CATSPERB: variants seen among roughly 807,000 people sequenced by gnomAD.
The protein encoded by CATSPERB is cation channel sperm-associated auxiliary subunit beta.
Under a neutral mutation model 128.3 loss-of-function variants are expected in CATSPERB, and 93 were observed. The ratio of observed to expected loss-of-function variants is 0.72; its 90% CI spans 0.61 to 0.86. The LOEUF (loss-of-function observed/expected upper bound fraction) is 0.86. Ranked by LOEUF, CATSPERB falls within the 40% of genes least tolerant of loss-of-function variation. The probability of loss-of-function intolerance (pLI) is 0.00; values close to 1 mark genes in which losing one functional copy is unlikely to be tolerated. For missense variants in CATSPERB, 1,153 were observed against 1,329.5 expected, an observed-to-expected ratio of 0.87 and a Z score of 2.06; for synonymous variants, 381 against 448.8, an observed-to-expected ratio of 0.85 and a Z score of 1.91.
chr14:91,613,979 G>A (rs1893886972), intron 20 of CATSPERB, among the ~76,000 whole-genome samples: 1 of 152,096 alleles, frequency 6.6e-6, no homozygotes, highest in Non-Finnish European at 1.5e-5. Context: ...AGATTCTCAT[G>A]AAGAAGGTTT....
chr14:91,723,296 A>AT, intron 3 of CATSPERB, 107 bp from the exon 4 acceptor site: 1 of 722,610 alleles, frequency 1.4e-6, no homozygotes, highest in East Asian at 3.2e-5. Context: ...GTTAGGAAAA[A>AT]ATATATATAT....
At position 91,636,540 on chromosome 14, in the gene CATSPERB, G is replaced by A; in HGVS notation, c.1627C>T (p.His543Tyr). 2 of 1,614,086 alleles carry A rather than the reference G, an allele frequency of 1.2e-6. No individual in the cohort carries two copies. Among genetic ancestry groups the A allele is most frequent in the African/African-American group, 1.3e-5 (1 of 75,018 alleles). The change falls in exon 17 of 27, where the codon CAC (histidine) becomes TAC (tyrosine). Residue 543 changes from histidine (H) to tyrosine (Y), a missense_variant. Physicochemically the swap from His to Tyr is moderately conservative, Grantham distance 83. Coordinates refer to ENST00000256343, the MANE Select transcript of CATSPERB (RefSeq NM_024764.4). The part of the protein sequence containing the change: ...MGFETALAPQ[H>Y]TSLDEIIFFA... ...AAGATAATTTCATCTAAGGAGGTGT[G>A]CTGTGGGGCAAGCGCAGTCTCAAAG...
intron 15 of CATSPERB, among the ~76,000 whole-genome samples, chr14:91,658,391 G>A (rs1894821285): frequency 6.6e-6 from 1 of 151,956 alleles, no homozygotes; most frequent in African/African-American, 2.4e-5. Context: ...GCTGGGAAGG[G>A]TAGTGGGGCA....
At chr14:91,704,112 T>C (rs1409093021) in intron 7 of CATSPERB, among the ~76,000 whole-genome samples, 2 of 152,074 alleles carry the variant, frequency 1.3e-5, no homozygotes, top group Non-Finnish European at 2.9e-5. Context: ...TATTAGAGTG[T>C]TATGAAATGG....
chr14:91,671,992 C>T (rs1895100909), intron 13 of CATSPERB, among the ~76,000 whole-genome samples: 1 of 151,636 alleles, frequency 6.6e-6, no homozygotes, highest in Admixed American at 6.6e-5. Flanking sequence ...TGCACTCCAG[C>T]CTGGGCAACA....
intron 22 of CATSPERB, among the ~76,000 whole-genome samples, chr14:91,602,304 C>T (rs1893619086): frequency 6.6e-6 from 1 of 152,096 alleles, no homozygotes; most frequent in African/African-American, 2.4e-5. Flanking sequence ...TAGTCTAGAA[C>T]ATACCATGTA....
chr14:91,674,446 TTTAAA>T (rs1367432755), intron 11 of CATSPERB, among the ~76,000 whole-genome samples: 1 of 152,208 alleles, frequency 6.6e-6, no homozygotes, highest in Non-Finnish European at 1.5e-5. Flanking sequence ...TTGTCTCAGA[TTTAAA>T]TTAGAATGTT....
intron 11 of CATSPERB, among the ~76,000 whole-genome samples, chr14:91,679,529 C>T (rs1299302645): frequency 6.6e-6 from 1 of 152,018 alleles, no homozygotes; most frequent in East Asian, 1.9e-4. Flanking sequence ...TCTATGTTGT[C>T]TTTATTAGAT....
At chr14:91,724,462 C>T (rs906576349) in intron 3 of CATSPERB, among the ~76,000 whole-genome samples, 1 of 152,170 alleles carries the variant, frequency 6.6e-6, no homozygotes, top group Non-Finnish European at 1.5e-5. Flanking sequence ...TAAGTCAAAG[C>T]AGGCTTAGGA....
intron 20 of CATSPERB, among the ~76,000 whole-genome samples, chr14:91,612,012 T>TTTTCTC (rs1893837409): frequency 7.5e-6 from 1 of 132,924 alleles, no homozygotes. Flanking sequence ...TTGTTTACTG[T>TTTTCTC]TTTCTTTCTT....
chr14:91,587,898 T>C (rs1312514615), intron 25 of CATSPERB, 80 bp downstream of exon 25: 7 of 874,084 alleles, frequency 8.0e-6, no homozygotes, highest in Non-Finnish European at 1.3e-5. Flanking sequence ...ACCTATACTT[T>C]AGAATTAAAA....
At chr14:91,597,424 A>G (rs1352917235) in intron 22 of CATSPERB, among the ~76,000 whole-genome samples, 1 of 152,198 alleles carries the variant, frequency 6.6e-6, no homozygotes, top group Non-Finnish European at 1.5e-5. Flanking sequence ...TGTTTTTCAA[A>G]ATTTTGTAAA....
intron 5 of CATSPERB, among the ~76,000 whole-genome samples, chr14:91,708,920 T>C (rs1895783868): frequency 6.6e-6 from 1 of 152,230 alleles, no homozygotes; most frequent in Non-Finnish European, 1.5e-5. Flanking sequence ...GGATAGGGCC[T>C]GTGGAAGCCA....
At chr14:91,665,565 A>G (rs1353637257) in intron 14 of CATSPERB, among the ~76,000 whole-genome samples, 1 of 152,146 alleles carries the variant, frequency 6.6e-6, no homozygotes, top group Non-Finnish European at 1.5e-5. Flanking sequence ...CAAAGAAGAA[A>G]TTAGAGATTT....
At chr14:91,663,861 A>G (rs1013238692) in intron 14 of CATSPERB, among the ~76,000 whole-genome samples, 6 of 152,156 alleles carry the variant, frequency 3.9e-5, no homozygotes, top group African/African-American at 1.4e-4. Flanking sequence ...GTATATTTAC[A>G]TTGTAGTGGA....
chr14:91,673,117 G>A (rs191041659), intron 12 of CATSPERB, 101 bp from the exon 13 acceptor site: 2 of 1,080,522 alleles, frequency 1.9e-6, no homozygotes, highest in Admixed American at 3.2e-5. Flanking sequence ...AATATTTACA[G>A]TTTTTTGAAC....
intron 10 of CATSPERB, among the ~76,000 whole-genome samples, chr14:91,687,436 C>T (rs529283349): frequency 1.3e-5 from 2 of 151,976 alleles, no homozygotes; most frequent in Admixed American, 1.3e-4. Flanking sequence ...AAAAGAGAAC[C>T]CAGGGAGATC....
chr14:91,582,843 A>G (rs775227782), intron 26 of CATSPERB, among the ~76,000 whole-genome samples: 2 of 152,026 alleles, frequency 1.3e-5, no homozygotes, highest in African/African-American at 4.8e-5. Context: ...TCACTCTTCA[A>G]TTGTTAGTGT....
In CATSPERB at chr14:91,610,565, A is replaced by C; in HGVS notation, c.2513T>G (p.Ile838Ser). The C allele has an allele frequency of 1.9e-6, 3 of 1,614,120 alleles. No homozygotes were observed. Among genetic ancestry groups the C allele is most frequent in the Non-Finnish European group, 2.5e-6 (3 of 1,180,018 alleles). Reference sequence around the variant, plus strand: ...TTCAAATGGGATAAATTTGCTAGGAATGTGATGCATAGATCTGAGATAACT... The same window carrying C: ...TTCAAATGGGATAAATTTGCTAGGACTGTGATGCATAGATCTGAGATAACT... ...SCSYLRSMHH[I>S]PSKFIPFEDW... is the part of the protein sequence containing the mutation. The change falls in exon 21 of 27, where the codon ATT (isoleucine) becomes AGT (serine). Residue 838 changes from isoleucine to serine, a missense_variant. Transcript: ENST00000256343.
Sources: gnomAD v4.1 joint callset for allele counts (sites outside exome capture counted in the v4.1 genomes callset) on GRCh38, gnomAD v4.1.1 for gene constraint, MANE v1.5 for transcripts, NCBI Gene and HGNC (gene_info 2026-07-23, HGNC 2026-07-21) for gene names.